The following ADGRL2 variants were observed in gnomAD, a reference collection of about 807,000 sequenced individuals.
ADGRL2 encodes calcium-independent alpha-latrotoxin receptor 2.
Under a neutral mutation model 157.4 loss-of-function variants are expected in ADGRL2, and 44 were observed. The ratio of observed to expected loss-of-function variants is 0.28; its 90% CI spans 0.22 to 0.36. The LOEUF is 0.36. ADGRL2 is among the 10% of genes least tolerant of loss of function. The pLI is 1.00. For missense variants in ADGRL2, 1,510 were observed against 1,768.9 expected (o/e 0.85, Z 2.63); for synonymous variants, 585 against 624.7 (o/e 0.94, Z 0.95).
At chr1:81,611,901 A>C (rs950417833) in intron 3 of ADGRL2, among the ~76,000 whole-genome samples, 1 of 152,000 alleles carries the variant, frequency 6.6e-6, no homozygotes, top group Non-Finnish European at 1.5e-5. Context: ...AGTTCTCACG[A>C]GATCTGGTGG....
intron 2 of ADGRL2, among the ~76,000 whole-genome samples, chr1:81,540,173 C>T (rs2079847814): frequency 6.6e-6 from 1 of 152,082 alleles, no homozygotes; most frequent in Non-Finnish European, 1.5e-5. Context: ...ATAGCCAGGA[C>T]ATCATTATGA....
At chr1:81,676,624 G>C (rs1446492101) in intron 3 of ADGRL2, among the ~76,000 whole-genome samples, 1 of 151,524 alleles carries the variant, frequency 6.6e-6, no homozygotes, top group East Asian at 2.0e-4. Flanking sequence ...TTTTAAGGGG[G>C]AAATTGCATG....
intron 1 of ADGRL2, among the ~76,000 whole-genome samples, chr1:81,437,018 C>A (rs12030716): frequency 6.6e-6 from 1 of 152,300 alleles, no homozygotes; most frequent in Non-Finnish European, 1.5e-5. Flanking sequence ...TGTTCATAAA[C>A]ATTTACCTTT....
intron 3 of ADGRL2, among the ~76,000 whole-genome samples, chr1:81,612,969 G>A (rs1008621951): frequency 2.0e-5 from 3 of 151,984 alleles, no homozygotes; most frequent in Non-Finnish European, 4.4e-5. Flanking sequence ...TACCATGAAG[G>A]GTACTATAAA....
At chr1:81,388,199 T>C (rs2076471736) in intron 1 of ADGRL2, among the ~76,000 whole-genome samples, 1 of 152,192 alleles carries the variant, frequency 6.6e-6, no homozygotes, top group South Asian at 2.1e-4. Flanking sequence ...CTGTCCCTTC[T>C]GACTGATGAT....
intron 1 of ADGRL2, among the ~76,000 whole-genome samples, chr1:81,369,417 T>G (rs78043102): frequency 6.6e-6 from 1 of 152,072 alleles, no homozygotes; most frequent in African/African-American, 2.4e-5. Flanking sequence ...TACATATACT[T>G]CTTACTTGAG....
chr1:81,921,776 A>G (rs2094985181), intron 3 of ADGRL2, among the ~76,000 whole-genome samples: 1 of 152,136 alleles, frequency 6.6e-6, no homozygotes, highest in African/African-American at 2.4e-5. Flanking sequence ...TATAAATCAG[A>G]TACATTTTAG....
intron 2 of ADGRL2, among the ~76,000 whole-genome samples, chr1:81,487,822 A>T (rs1258567060): frequency 1.3e-5 from 2 of 152,152 alleles, no homozygotes; most frequent in African/African-American, 2.4e-5. Flanking sequence ...TGAGGAGGAG[A>T]TGTACAAATA....
intron 1 of ADGRL2, among the ~76,000 whole-genome samples, chr1:81,402,877 A>G (rs1394485859): frequency 6.6e-6 from 1 of 152,210 alleles, no homozygotes; most frequent in Non-Finnish European, 1.5e-5. Flanking sequence ...AATAAGGCAA[A>G]CATCGACTGT....
At position 81,319,240 on chromosome 1, in the gene ADGRL2, C is replaced by G. The variant is rs375076714; in HGVS notation, c.-302+12731C>G. On this transcript the variant is annotated intron_variant, in intron 1 of 24. Coordinates refer to the ADGRL2 transcript ENST00000370721. ...GGGATTACAGGCGTGAGCCACCGCG[C>G]CCAGCTTTATCCTCCATCAATTCTA... 8.5e-5 allele frequency among the ~76,000 whole-genome samples: 13 copies of G among 152,076 alleles called. No homozygotes were observed. The East Asian group carries it at 2.3e-3, about 27-fold the overall frequency.
At chr1:81,530,866 C>T (rs547660136) in intron 2 of ADGRL2, among the ~76,000 whole-genome samples, 27 of 151,982 alleles carry the variant, frequency 1.8e-4, no homozygotes, top group Non-Finnish European at 3.4e-4. Flanking sequence ...AGGCAGATCA[C>T]GAGGTCGGGA....
chr1:81,352,947 T>A (rs184009392), intron 1 of ADGRL2, among the ~76,000 whole-genome samples: 6 of 152,288 alleles, frequency 3.9e-5, no homozygotes, highest in African/African-American at 7.2e-5. Context: ...CAATTTTTTT[T>A]AAATATTCAA....
intron 1 of ADGRL2, among the ~76,000 whole-genome samples, chr1:81,421,337 A>T (rs1352098303): frequency 2.0e-5 from 3 of 152,204 alleles, no homozygotes; most frequent in Non-Finnish European, 4.4e-5. Context: ...GCTCATACTG[A>T]TTCAAAACTA....
intron 2 of ADGRL2, among the ~76,000 whole-genome samples, chr1:81,906,337 G>C (rs896955183): frequency 6.6e-6 from 1 of 152,168 alleles, no homozygotes; most frequent in African/African-American, 2.4e-5. Context: ...ACCCAGTACT[G>C]CTTTGGAAGA....
chr1:81,988,224 A>G (rs1054475613), intron 23 of ADGRL2, among the ~76,000 whole-genome samples: 6 of 152,278 alleles, frequency 3.9e-5, no homozygotes, highest in African/African-American at 1.4e-4. Context: ...GCTGTGGAAA[A>G]TCTTCAAGTG....
intron 3 of ADGRL2, among the ~76,000 whole-genome samples, chr1:81,907,975 GA>G (rs1490155089): frequency 6.6e-6 from 1 of 152,192 alleles, no homozygotes; most frequent in African/African-American, 2.4e-5. Flanking sequence ...TAATGGATCT[GA>G]ACTGTTGCCT....
intron 1 of ADGRL2, among the ~76,000 whole-genome samples, chr1:81,395,440 T>A (rs1470356244): frequency 2.6e-4 from 39 of 152,202 alleles, no homozygotes; most frequent in Non-Finnish European, 1.5e-5. Flanking sequence ...ATATTCTGGT[T>A]AGTAATAGTT....
chr1:81,868,465 G>T (rs1272632691), intron 2 of ADGRL2, among the ~76,000 whole-genome samples: 1 of 152,036 alleles, frequency 6.6e-6, no homozygotes, highest in Admixed American at 6.6e-5. Context: ...TTTGGCCCTG[G>T]ATCCTCTCTC....
intron 3 of ADGRL2, among the ~76,000 whole-genome samples, chr1:81,626,642 A>G (rs1417479510): frequency 6.6e-6 from 1 of 152,222 alleles, no homozygotes; most frequent in East Asian, 1.9e-4. Flanking sequence ...ATGTAAAAAC[A>G]CACGCGGGCA....
Sources: gnomAD v4.1 joint callset for allele counts (sites outside exome capture counted in the v4.1 genomes callset) on GRCh38, gnomAD v4.1.1 for gene constraint, MANE v1.5 for transcripts, NCBI Gene and HGNC (gene_info 2026-07-23, HGNC 2026-07-21) for gene names.